MYO1F: variants seen among roughly 807,000 people sequenced by gnomAD.
MYO1F encodes the protein myosin IF.
MYO1F carries 60 observed loss-of-function variants against 146.6 expected under a neutral mutation model. The observed-to-expected ratio is 0.41, with a 90% confidence interval of 0.33 to 0.51. The LOEUF (loss-of-function observed/expected upper bound fraction) is 0.51, where lower values mean the gene tolerates loss of function less well. Ranked by LOEUF, MYO1F falls within the 20% of genes least tolerant of loss-of-function variation. The pLI, the probability that MYO1F is intolerant of heterozygous loss-of-function variation, is 0.25. For missense variants in MYO1F, 1,274 were observed against 1,534.3 expected (o/e 0.83, Z 2.83); for synonymous variants, 602 against 602.1 (o/e 1.00, Z 0.00).
At chr19:8,567,792 T>C (rs2042032573) in intron 1 of MYO1F, among the ~76,000 whole-genome samples, 1 of 152,216 alleles carries the variant, frequency 6.6e-6, no homozygotes, top group African/African-American at 2.4e-5. Context: ...GTATCAGAGA[T>C]CGCCGGGGTT....
At chr19:8,538,285 A>AT (rs1247723080) in intron 16 of MYO1F, among the ~76,000 whole-genome samples, 1 of 145,134 alleles carries the variant, frequency 6.9e-6, no homozygotes, top group Non-Finnish European at 1.5e-5. Flanking sequence ...ATTTTATTTT[A>AT]TTTTAGTATT....
chr19:8,544,297 C>A lies in MYO1F; in HGVS notation c.1524G>T (p.Lys508Asn), dbSNP rs755652788. 5 of 1,612,990 alleles carry A rather than the reference C, an allele frequency of 3.1e-6. No individual in the cohort carries two copies. In the South Asian group the frequency reaches 5.5e-5, roughly 18 times the overall value. The change falls in exon 14 of 28, where the codon AAG becomes AAT. Residue 508 changes from lysine to asparagine, a missense_variant and splice_region_variant. Lys to Asn is a moderately conservative substitution (Grantham distance 94, BLOSUM62 0). Transcript: ENST00000644032. ...GGTAGGGTAGGGGCAGGGGGCGCAC[C>A]TTGCCAGCGTAGTGGTGGATGACGA... is the stretch of plus-strand genomic sequence containing the variant. The part of the protein sequence containing the change: ...AGFVIHHYAG[K>N]VSYDVSGFCE...
intron 1 of MYO1F, among the ~76,000 whole-genome samples, chr19:8,561,980 G>A (rs1043402979): frequency 1.3e-5 from 2 of 151,260 alleles, no homozygotes; most frequent in African/African-American, 2.4e-5. Flanking sequence ...CTCCCAAAGT[G>A]CTGGGATTAC....
chr19:8,574,595 C>CTTTCTTTCTT (rs1468192753), intron 1 of MYO1F, among the ~76,000 whole-genome samples: 1 of 105,934 alleles, frequency 9.4e-6, no homozygotes, highest in South Asian at 3.0e-4. Flanking sequence ...CTCTCTCTCT[C>CTTTCTTTCTT]TCTTTCTTTC....
chr19:8,543,951 G>C (rs1224913782), intron 14 of MYO1F: 4 of 221,192 alleles, frequency 1.8e-5, no homozygotes, highest in Non-Finnish European at 3.3e-5. Flanking sequence ...GGTGGTGCTG[G>C]TGGTGGTGGT....
intron 19 of MYO1F, among the ~76,000 whole-genome samples, chr19:8,535,623 A>G (rs1310429423): frequency 1.3e-5 from 2 of 150,360 alleles, no homozygotes; most frequent in African/African-American, 2.4e-5. Context: ...TTTTTGGTCT[A>G]TTTCTTCCAG....
chr19:8,563,031 G>A (rs925958031), intron 1 of MYO1F, among the ~76,000 whole-genome samples: 6 of 151,858 alleles, frequency 4.0e-5, no homozygotes, highest in African/African-American at 9.7e-5. Flanking sequence ...TCACTCTGTC[G>A]CCCAGGCTGG....
At chr19:8,574,553 TTCTTTCTTTCTTTCTTTCTTTCTTTCTC>T (rs1324537373) in intron 1 of MYO1F, among the ~76,000 whole-genome samples, 203 of 85,722 alleles carry the variant, frequency 2.4e-3, no homozygotes, top group African/African-American at 0.01. Flanking sequence ...CTTTCTTTCT[TTCTTTCTTTCTTTCTTTCTTTCTTTCTC>T]TCTCTCTCTC....
rs373423000 is a variant in MYO1F at position 8,536,365 on chromosome 19, G to A, written c.1930C>T (p.Arg644Trp). The A allele has an allele frequency of 5.0e-6, 8 of 1,606,204 alleles. No individual in the cohort carries two copies. The African/African-American group carries it at 6.7e-5, about 13-fold the overall frequency. Residue 644 changes from arginine to tryptophan, a missense_variant, in exon 19 of 28, where the codon CGG (arginine) becomes TGG (tryptophan). Physicochemically the swap from Arg to Trp is moderately radical, Grantham distance 101. Transcript: ENST00000644032. ...YAILTPETWPRWRGDERQGVQ... is the reference protein window; with the variant it reads ...YAILTPETWPWWRGDERQGVQ... The stretch of plus-strand genomic sequence containing the variant: ...CCCTGGCGTTCGTCCCCACGCCACC[G>A]CGGCCACGTCTCGGGGGTCAGAATG...
At chr19:8,554,804 TC>T in intron 2 of MYO1F, 61 bp from the exon 3 acceptor site, 1 of 1,468,766 alleles carries the variant, frequency 6.8e-7, no homozygotes, top group Non-Finnish European at 9.5e-7. Flanking sequence ...TGTCCCCTCA[TC>T]CTGCCCCCAC....
At chr19:8,548,001 C>CCCG in intron 12 of MYO1F, 35 bp downstream of exon 12, 10 of 1,305,370 alleles carry the variant, frequency 7.7e-6, no homozygotes, top group Admixed American at 1.7e-5. Context: ...ACCCCCACCC[C>CCCG]AGGATCCCCC....
In MYO1F at chr19:8,525,498, C is replaced by T. The variant is rs1198526163; in HGVS notation, c.2835G>A (p.Ala945=). 1.2e-6 allele frequency: 2 copies of T among 1,613,470 alleles called. No individual in the cohort carries two copies. Among genetic ancestry groups the T allele is most frequent in the Admixed American group, 1.7e-5 (1 of 60,020 alleles). Residue 945 remains alanine (A), a synonymous_variant, in exon 25 of 28, where the codon GCG becomes GCA. Coordinates refer to ENST00000644032, the MANE Select transcript of MYO1F (RefSeq NM_012335.4). ...PRRSSQAPTR[A]APAPPRGMDR... Reference sequence around the variant, plus strand: ...CCTCACCTCTGGGGGGCGCAGGGGCCGCCCGGGTAGGGGCTTGGGACGACC... The same window carrying T: ...CCTCACCTCTGGGGGGCGCAGGGGCTGCCCGGGTAGGGGCTTGGGACGACC...
intron 9 of MYO1F, 87 bp downstream of exon 9, chr19:8,550,475 C>T: frequency 1.2e-6 from 2 of 1,610,522 alleles, no homozygotes; most frequent in Non-Finnish European, 1.7e-6. Flanking sequence ...TCCTCGTGGG[C>T]TTTCAGCTTC....
In MYO1F at chr19:8,530,320, A is replaced by C; in HGVS notation, c.2204T>G (p.Ile735Ser). 6.2e-7 allele frequency: 1 copy of C among 1,614,140 alleles called. No homozygotes were observed. Reference protein sequence around the residue: ...LNKKERRRNSINRNFVGDYLG... With the variant: ...LNKKERRRNSSNRNFVGDYLG... ...GTAGTCCCCGACGAAGTTCCGATTG[A>C]TGCTGTTGCGCCTCCGCTCCTTCTT... The change falls in exon 21 of 28, where the codon ATC becomes AGC. Residue 735 changes from isoleucine to serine, a missense_variant. Ile to Ser is a moderately radical substitution (Grantham distance 142). This residue lies in a region of MYO1F where 900 missense variants were observed against 1,155.1 expected (regional missense o/e 0.78). Transcript: ENST00000644032. The surrounding 1 kb of genome is among the most constrained non-coding windows in gnomAD (Gnocchi z 5.8).
chr19:8,535,903 G>C (rs553462024), intron 19 of MYO1F, among the ~76,000 whole-genome samples: 3 of 151,728 alleles, frequency 2.0e-5, no homozygotes, highest in Admixed American at 2.0e-4. Context: ...GGATGGTCTC[G>C]ATCTCCTGGC....
intron 2 of MYO1F, 62 bp downstream of exon 2, chr19:8,555,597 G>T: frequency 6.2e-7 from 1 of 1,609,264 alleles, no homozygotes; most frequent in Non-Finnish European, 8.5e-7. Flanking sequence ...CCTCCTCTCC[G>T]TCCATGGCCC....
intron 6 of MYO1F, 32 bp from the exon 7 acceptor site, chr19:8,552,196 G>A (rs754469189): frequency 3.2e-5 from 51 of 1,613,506 alleles, no homozygotes; most frequent in Non-Finnish European, 4.0e-5. Context: ...CAGCACCCCA[G>A]TGTCCTGGGG....
rs370908051 is a variant in MYO1F at position 8,530,279 on chromosome 19, G to C, written c.2245C>G (p.Arg749Gly). ...CCCAGGAACTGACGCAGCTCGGGCC[G>C]CTCCTCCAGCCCCAGGTAGTCCCCG... Reference protein sequence around the residue: ...FVGDYLGLEERPELRQFLGKR... With the variant: ...FVGDYLGLEEGPELRQFLGKR... Residue 749 changes from arginine (R) to glycine (G), a missense_variant, in exon 21 of 28, where the codon CGG (arginine) becomes GGG (glycine). Physicochemically the swap from Arg to Gly is moderately radical, Grantham distance 125. This residue lies in a region of MYO1F where 900 missense variants were observed against 1,155.1 expected (regional missense o/e 0.78). Transcript: ENST00000644032. The surrounding 1 kb of genome is among the most constrained non-coding windows in gnomAD (Gnocchi z 5.8). 3 of 1,614,084 alleles carry C rather than the reference G, an allele frequency of 1.9e-6. No individual in the cohort carries two copies. The highest frequency in any genetic ancestry group is 2.5e-6 in the Non-Finnish European group (3 of 1,180,004).
At chr19:8,531,946 CG>C (rs1441050980) in intron 19 of MYO1F, among the ~76,000 whole-genome samples, 1 of 151,970 alleles carries the variant, frequency 6.6e-6, no homozygotes, top group Admixed American at 6.6e-5. Flanking sequence ...GGTGAAACCC[CG>C]TCTCTACTAA....
Sources: gnomAD v4.1 joint callset for allele counts (sites outside exome capture counted in the v4.1 genomes callset) on GRCh38, gnomAD v4.1.1 for gene constraint, gnomAD v4.1.1 regional missense constraint, Gnocchi (gnomAD v3.1) non-coding constraint, MANE v1.5 for transcripts, NCBI Gene and HGNC (gene_info 2026-07-23, HGNC 2026-07-21) for gene names.